ZNF256: variants seen among roughly 807,000 people sequenced by gnomAD.
The protein encoded by ZNF256 is bone marrow zinc finger 3.
ZNF256 carries 4 observed loss-of-function variants against 7.9 expected under a neutral mutation model. The ratio of observed to expected loss-of-function variants is 0.50; its 90% CI spans 0.25 to 1.15. The LOEUF (loss-of-function observed/expected upper bound fraction) is 1.15. Ranked by LOEUF, ZNF256 falls within the 50% of genes most tolerant of loss-of-function variation. The pLI is 0.15. For synonymous variants in ZNF256, 260 were observed against 260.4 expected (o/e 1.00, Z 0.02); for missense variants, 666 against 755.9 (o/e 0.88, Z 1.39).
At position 57,947,553 on chromosome 19, in the gene ZNF256, C is replaced by T; in HGVS notation, c.-79G>A. The T allele has an allele frequency of 1.6e-6, 2 of 1,219,394 alleles. No homozygotes were observed. Among genetic ancestry groups the T allele is most frequent in the South Asian group, 8.4e-5 (2 of 23,892 alleles). The allele number at this position is 1,219,394 out of a possible 1,614,324, so 75.5% of individuals were successfully genotyped here. A position where few individuals can be genotyped will look rare whatever the true frequency, so the allele number is the denominator to read the frequency against. ...CCTGGGTACCCTGGGCGCCGCCGAGCCTCAGCCACGCCTCTGTGCAGCGGG... is the reference window on the plus strand; with the variant it reads ...CCTGGGTACCCTGGGCGCCGCCGAGTCTCAGCCACGCCTCTGTGCAGCGGG... On this transcript the variant is annotated 5_prime_UTR_variant, in exon 1 of 3. Coordinates refer to ENST00000282308, the MANE Select transcript of ZNF256 (RefSeq NM_005773.3).
rs1361901784 is a variant in ZNF256 at position 57,942,237 on chromosome 19, T to C, written c.571A>G (p.Thr191Ala). 1 of 1,614,272 alleles carries C rather than the reference T, an allele frequency of 6.2e-7. No homozygotes were observed. Among genetic ancestry groups the C allele is most frequent in the Non-Finnish European group, 8.5e-7 (1 of 1,180,042 alleles). The change falls in exon 3 of 3, where the codon ACC (threonine) becomes GCC (alanine). Residue 191 changes from threonine to alanine, a missense_variant. By Grantham distance (58) the Thr-to-Ala change is moderately conservative. Transcript: ENST00000282308. ...SRFLQQQAAHTRKKSNRTKSA... is the reference protein window; with the variant it reads ...SRFLQQQAAHARKKSNRTKSA... ...TTGGTTCTGTTTGACTTCTTTCTGGTGTGAGCAGCCTGTTGCTGAAGAAAT... is the reference window on the plus strand; with the variant it reads ...TTGGTTCTGTTTGACTTCTTTCTGGCGTGAGCAGCCTGTTGCTGAAGAAAT...
intron 1 of ZNF256, among the ~76,000 whole-genome samples, chr19:57,945,904 T>C (rs559294552): frequency 6.6e-6 from 1 of 152,308 alleles, no homozygotes; most frequent in African/African-American, 2.4e-5. Flanking sequence ...CTCTCACAAA[T>C]GACCACATGA....
At chr19:57,946,664 G>A (rs2072768339) in intron 1 of ZNF256, among the ~76,000 whole-genome samples, 1 of 152,070 alleles carries the variant, frequency 6.6e-6, no homozygotes, top group African/African-American at 2.4e-5. Context: ...CACAGATGAA[G>A]CCTGTGAAGA....
At position 57,941,350 on chromosome 19, in the gene ZNF256, A is replaced by G; in HGVS notation, c.1458T>C (p.Thr486=). The G allele has an allele frequency of 1.2e-6, 2 of 1,614,066 alleles. No individual in the cohort carries two copies. The highest frequency in any genetic ancestry group is 1.1e-5 in the South Asian group (1 of 91,084). The change falls in exon 3 of 3, where the codon ACT becomes ACC. Residue 486 remains threonine, a synonymous_variant. Coordinates refer to ENST00000282308, the MANE Select transcript of ZNF256 (RefSeq NM_005773.3). The stretch of plus-strand genomic sequence containing the variant: ...CCCCACATTCATAAGGCCTTGCTCC[A>G]GTATGAACTTTCCAGTGTGAGATGA... ...SYLISHWKVH[T]GARPYECGEC... is the part of the protein sequence containing the mutation.
intron 1 of ZNF256, 68 bp from the exon 2 acceptor site, chr19:57,944,128 A>G (rs1271345278): frequency 6.2e-7 from 1 of 1,600,438 alleles, no homozygotes; most frequent in African/African-American, 1.3e-5. Context: ...CCTTCCCCTC[A>G]CACATTTACC....
Position 57,940,906 on chromosome 19 carries a change from A to G in ZNF256, c.*18T>C. On this transcript the variant is annotated 3_prime_UTR_variant, in exon 3 of 3. Coordinates refer to ENST00000282308, the MANE Select transcript of ZNF256 (RefSeq NM_005773.3). ...ACACTTCTCAGTCCGTAACAGCCCT[A>G]TGTGTGTTACCTAACCTTTATCCCT... 2.5e-6 allele frequency: 4 copies of G among 1,601,874 alleles called. No homozygotes were observed. Among genetic ancestry groups the G allele is most frequent in the Non-Finnish European group, 3.4e-6 (4 of 1,171,484 alleles).
Position 57,947,577 on chromosome 19 carries a change from G to C in ZNF256, c.-103C>G, listed in dbSNP as rs1245989665. 8.9e-7 allele frequency: 1 copy of C among 1,125,464 alleles called. No homozygotes were observed. Among genetic ancestry groups the C allele is most frequent in the East Asian group, 3.2e-5 (1 of 31,168 alleles). 69.7% of individuals were successfully genotyped at this position (1,125,464 alleles called of 1,614,324 possible). ...GCCTCAGCCACGCCTCTGTGCAGCG[G>C]GGAAGACTCCTCTCGCGCCTTCTCA... On this transcript the variant is annotated 5_prime_UTR_variant, in exon 1 of 3. Transcript: ENST00000282308.
chr19:57,942,536 G>C lies in ZNF256; in HGVS notation c.272C>G (p.Pro91Arg). Residue 91 changes from proline to arginine, a missense_variant, in exon 3 of 3, where the codon CCC becomes CGC. Transcript: ENST00000282308. Reference sequence around the variant, plus strand: ...CAAGACTGGGCCACATATCTCACAGGGGTTGGTCTTCTGGGGAGAAGGAAG... The same window carrying C: ...CAAGACTGGGCCACATATCTCACAGCGGTTGGTCTTCTGGGGAGAAGGAAG... ...KALPSPQKTNPCEICGPVLRQ... is the reference protein window; with the variant it reads ...KALPSPQKTNRCEICGPVLRQ... The C allele has an allele frequency of 6.2e-7, 1 of 1,614,182 alleles. No homozygotes were observed. Among genetic ancestry groups the C allele is most frequent in the Non-Finnish European group, 8.5e-7 (1 of 1,180,044 alleles).
chr19:57,944,201 G>A (rs1194160149), intron 1 of ZNF256, 141 bp from the exon 2 acceptor site: 1 of 1,265,650 alleles, frequency 7.9e-7, no homozygotes, highest in Non-Finnish European at 1.1e-6. Context: ...GCAGTCAGCT[G>A]GTGCTGTTGT....
chr19:57,942,046 G>T lies in ZNF256; in HGVS notation c.762C>A (p.Leu254=), dbSNP rs190783659. Residue 254 remains leucine (L), a synonymous_variant, in exon 3 of 3, where the codon CTC becomes CTA. Coordinates refer to ENST00000282308, the MANE Select transcript of ZNF256 (RefSeq NM_005773.3). ...CGKSFSTSCS[L]SDHLRVHTSE... The stretch of plus-strand genomic sequence containing the variant: ...AAGTGTGAACTCTCAAATGATCACT[G>T]AGGCTACAGCTTGTGCTAAAAGATT... The T allele has an allele frequency of 1.9e-6, 3 of 1,614,052 alleles. No individual in the cohort carries two copies. The highest frequency in any genetic ancestry group is 2.7e-5 in the African/African-American group (2 of 75,008).
At position 57,940,943 on chromosome 19, in the gene ZNF256, T is replaced by C; in HGVS notation, c.1865A>G (p.Gln622Arg). The change falls in exon 3 of 3, where the codon CAG becomes CGG. Residue 622 changes from glutamine to arginine, a missense_variant. Gln to Arg is a conservative substitution (Grantham distance 43). Coordinates refer to ENST00000282308, the MANE Select transcript of ZNF256 (RefSeq NM_005773.3). Reference sequence around the variant, plus strand: ...TAACCTTTATCCCTTGTGAACGTTCTGATGTTTTAGGAGGTTGGAGTTGAA... The same window carrying C: ...TAACCTTTATCCCTTGTGAACGTTCCGATGTTTTAGGAGGTTGGAGTTGAA... Reference protein sequence around the residue: ...FTFNSNLLKHQNVHKG With the variant: ...FTFNSNLLKHRNVHKG 6.2e-7 allele frequency: 1 copy of C among 1,613,896 alleles called. No individual in the cohort carries two copies. Among genetic ancestry groups the C allele is most frequent in the East Asian group, 2.2e-5 (1 of 44,870 alleles).
chr19:57,941,347 T>G lies in ZNF256; in HGVS notation c.1461A>C (p.Gly487=). ...YLISHWKVHT[G]ARPYECGECG... Reference sequence around the variant, plus strand: ...ACTCCCCACATTCATAAGGCCTTGCTCCAGTATGAACTTTCCAGTGTGAGA... The same window carrying G: ...ACTCCCCACATTCATAAGGCCTTGCGCCAGTATGAACTTTCCAGTGTGAGA... Residue 487 remains glycine (G), a synonymous_variant, in exon 3 of 3, where the codon GGA becomes GGC. Transcript: ENST00000282308. The G allele has an allele frequency of 1.2e-6, 2 of 1,613,950 alleles. No homozygotes were observed. Among genetic ancestry groups the G allele is most frequent in the Non-Finnish European group, 1.7e-6 (2 of 1,180,006 alleles).
chr19:57,947,326 C>T (rs1206218865), intron 1 of ZNF256, 116 bp downstream of exon 1: 1 of 1,054,330 alleles, frequency 9.5e-7, no homozygotes, highest in East Asian at 3.2e-5. Context: ...AAACGGGAGC[C>T]CCTCCGGCGA....
chr19:57,941,577 C>G lies in ZNF256; in HGVS notation c.1231G>C (p.Glu411Gln). Residue 411 changes from glutamate to glutamine, a missense_variant, in exon 3 of 3, where the codon GAA (glutamate) becomes CAA (glutamine). Transcript: ENST00000282308. Reference protein sequence around the residue: ...HIGEGPYECSECGKLFTYRSR... With the variant: ...HIGEGPYECSQCGKLFTYRSR... The stretch of plus-strand genomic sequence containing the variant: ...CTATAAGTAAACAATTTCCCACATT[C>G]ACTACACTCATAAGGCCCTTCTCCA... 1.2e-6 allele frequency: 2 copies of G among 1,614,170 alleles called. No homozygotes were observed. Among genetic ancestry groups the G allele is most frequent in the Non-Finnish European group, 8.5e-7 (1 of 1,180,044 alleles).
chr19:57,944,886 T>A (rs535184526), intron 1 of ZNF256, among the ~76,000 whole-genome samples: 64 of 151,436 alleles, frequency 4.2e-4, no homozygotes, highest in Admixed American at 9.9e-4. Context: ...CACGTGACAT[T>A]GGACAAATGA....
chr19:57,940,908 G>A lies in ZNF256; in HGVS notation c.*16C>T. The A allele has an allele frequency of 6.2e-7, 1 of 1,603,764 alleles. No individual in the cohort carries two copies. On this transcript the variant is annotated 3_prime_UTR_variant, in exon 3 of 3. Transcript: ENST00000282308. ...ACTTCTCAGTCCGTAACAGCCCTAT[G>A]TGTGTTACCTAACCTTTATCCCTTG...
chr19:57,941,371 G>T lies in ZNF256; in HGVS notation c.1437C>A (p.Ile479=), dbSNP rs941319311. ...GKSFTCKSYL[I]SHWKVHTGAR... Reference sequence around the variant, plus strand: ...CTCCAGTATGAACTTTCCAGTGTGAGATGAGGTAGGATTTACAGGTAAAGG... The same window carrying T: ...CTCCAGTATGAACTTTCCAGTGTGATATGAGGTAGGATTTACAGGTAAAGG... The change falls in exon 3 of 3, where the codon ATC becomes ATA. Residue 479 remains isoleucine, a synonymous_variant. Coordinates refer to ENST00000282308, the MANE Select transcript of ZNF256 (RefSeq NM_005773.3). 1.1e-5 allele frequency: 18 copies of T among 1,613,554 alleles called. No individual in the cohort carries two copies. The highest frequency in any genetic ancestry group is 1.5e-5 in the Non-Finnish European group (18 of 1,179,926).
rs2072777866 is a variant in ZNF256 at position 57,947,699 on chromosome 19, GA to G, written c.-226del. 1 of 424,124 alleles carries G rather than the reference GA, an allele frequency of 2.4e-6. No individual in the cohort carries two copies. The highest frequency in any genetic ancestry group is 4.0e-6 in the Non-Finnish European group (1 of 250,528). 26.3% of individuals were successfully genotyped at this position (424,124 alleles called of 1,614,324 possible). ...AACGACCGCCACAAGGAGGACAACG[GA>G]AGTCCCGCCGCGACCGCGCGTGCGC... On this transcript the variant is annotated 5_prime_UTR_variant, in exon 1 of 3. Transcript: ENST00000282308.
At chr19:57,945,568 C>A (rs966028991) in intron 1 of ZNF256, among the ~76,000 whole-genome samples, 1 of 152,128 alleles carries the variant, frequency 6.6e-6, no homozygotes, top group Non-Finnish European at 1.5e-5. Flanking sequence ...GATGTCAAGG[C>A]GACATATCAT....
Sources: allele counts gnomAD v4.1 joint callset (sites outside exome capture counted in the v4.1 genomes callset), GRCh38; gene constraint gnomAD v4.1.1; transcripts MANE v1.5; gene names NCBI Gene and HGNC (gene_info 2026-07-23, HGNC 2026-07-21).